NCK1: variants seen among roughly 807,000 people sequenced by gnomAD.
NCK1 encodes the protein NCK adaptor protein 1.
Under a neutral mutation model 36.6 loss-of-function variants are expected in NCK1, and 19 were observed. The observed-to-expected ratio is 0.52, with a 90% CI of 0.36 to 0.76. The LOEUF (loss-of-function observed/expected upper bound fraction) is 0.76, where lower values mean the gene tolerates loss of function less well. Ranked by LOEUF, NCK1 falls within the 30% of genes least tolerant of loss-of-function variation. The pLI is 0.00. For missense variants in NCK1, 358 were observed against 445.6 expected, an observed-to-expected ratio of 0.80 and a Z score of 1.77; for synonymous variants, 165 against 156.0, an observed-to-expected ratio of 1.06 and a Z score of -0.43.
At chr3:136,892,299 C>T (rs1449051095) in intron 1 of NCK1, among the ~76,000 whole-genome samples, 1 of 152,112 alleles carries the variant, frequency 6.6e-6, no homozygotes, top group Non-Finnish European at 1.5e-5. Flanking sequence ...CTGTGGGTTA[C>T]CTTTTCACTG....
In NCK1 at chr3:136,949,639, T is replaced by C. The variant is rs890835535; in HGVS notation, c.*1186T>C. ...ATTTGTCCCCCTATTATTCTGGAGATTTAAATTTAAGTAAAGTAGCCATCA... is the reference window on the plus strand; with the variant it reads ...ATTTGTCCCCCTATTATTCTGGAGACTTAAATTTAAGTAAAGTAGCCATCA... On this transcript the variant is annotated 3_prime_UTR_variant, in exon 4 of 4. Transcript: ENST00000481752. The C allele has an allele frequency of 1.3e-5, 2 of 151,980 alleles. No individual in the cohort carries two copies. Among genetic ancestry groups the C allele is most frequent in the Admixed American group, 1.3e-4 (2 of 15,240 alleles). 9.4% of individuals were successfully genotyped at this position (151,980 alleles called of 1,614,324 possible). A position where few individuals can be genotyped will look rare whatever the true frequency, so the allele number is the denominator to read the frequency against.
intron 1 of NCK1, among the ~76,000 whole-genome samples, chr3:136,896,657 G>A (rs140522151): frequency 1.0e-3 from 158 of 152,074 alleles, no homozygotes; most frequent in African/African-American, 3.3e-3. Context: ...ACCACACCTG[G>A]CTAATTAAAA....
intron 2 of NCK1, 59 bp downstream of exon 2, chr3:136,928,286 C>T: frequency 6.9e-7 from 1 of 1,446,096 alleles, no homozygotes; most frequent in Non-Finnish European, 9.4e-7. Flanking sequence ...CAACTTAGTT[C>T]TTTGTACATA....
At chr3:136,946,435 A>G in intron 3 of NCK1, 140 bp downstream of exon 3, 1 of 701,706 alleles carries the variant, frequency 1.4e-6, no homozygotes, top group South Asian at 1.9e-5. Flanking sequence ...TAAATGTTCC[A>G]AAGCTAAAGT....
intron 1 of NCK1, among the ~76,000 whole-genome samples, chr3:136,919,443 C>T (rs1478762533): frequency 6.6e-6 from 1 of 151,956 alleles, no homozygotes; most frequent in Non-Finnish European, 1.5e-5. Context: ...CTTACAAATA[C>T]TGACAATGTA....
At chr3:136,862,764 T>C (rs2108056016) in intron 1 of NCK1, among the ~76,000 whole-genome samples, 1 of 152,248 alleles carries the variant, frequency 6.6e-6, no homozygotes, top group East Asian at 1.9e-4. Flanking sequence ...AGGGACGTGG[T>C]AGGAGGAAGG....
chr3:136,898,623 T>G (rs944214428), intron 1 of NCK1, among the ~76,000 whole-genome samples: 1 of 152,182 alleles, frequency 6.6e-6, no homozygotes, highest in African/African-American at 2.4e-5. Context: ...CAAAACATCT[T>G]TGCAATAAAA....
intron 1 of NCK1, among the ~76,000 whole-genome samples, chr3:136,915,259 T>C (rs1331884333): frequency 6.6e-6 from 1 of 152,196 alleles, no homozygotes; most frequent in South Asian, 2.1e-4. Context: ...TTGAGTCCTA[T>C]TGAGAAGATA....
intron 2 of NCK1, chr3:136,930,333 A>G: frequency 3.5e-6 from 2 of 576,920 alleles, no homozygotes; most frequent in Non-Finnish European, 5.0e-6. Flanking sequence ...ATAAGGTCAT[A>G]TTTTTGGCCA....
chr3:136,887,997 T>C (rs1443922217), intron 1 of NCK1, among the ~76,000 whole-genome samples: 1 of 151,422 alleles, frequency 6.6e-6, no homozygotes, highest in Admixed American at 6.6e-5. Flanking sequence ...CAGGCTGGAG[T>C]GCAATGGCAT....
At position 136,951,556 on chromosome 3, in the gene NCK1, G is replaced by C. The variant is rs1315968029; in HGVS notation, c.*3103G>C. On this transcript the variant is annotated 3_prime_UTR_variant, in exon 4 of 4. Coordinates refer to ENST00000481752, the MANE Select transcript of NCK1 (RefSeq NM_001291999.2). ...TCCTCTTATCTTTACCAGTGCACATGGTGAAAAAATTCAAACAGTATAATA... is the reference window on the plus strand; with the variant it reads ...TCCTCTTATCTTTACCAGTGCACATCGTGAAAAAATTCAAACAGTATAATA... Among the ~76,000 whole-genome samples the C allele has an allele frequency of 6.6e-6, 1 of 152,078 alleles. No individual in the cohort carries two copies. The highest frequency in any genetic ancestry group is 1.9e-4 in the East Asian group (1 of 5,196).
chr3:136,929,821 G>T (rs1311311506), intron 2 of NCK1, among the ~76,000 whole-genome samples: 1 of 152,108 alleles, frequency 6.6e-6, no homozygotes, highest in Non-Finnish European at 1.5e-5. Context: ...GCAAAGGGGG[G>T]AAGTAGTCCA....
intron 1 of NCK1, among the ~76,000 whole-genome samples, chr3:136,871,494 A>G (rs1037884256): frequency 5.3e-5 from 8 of 152,238 alleles, no homozygotes; most frequent in South Asian, 2.1e-4. Flanking sequence ...ATATTTGTAG[A>G]TATCTGTGTA....
At chr3:136,924,708 T>C (rs1040457707) in intron 1 of NCK1, among the ~76,000 whole-genome samples, 1 of 152,256 alleles carries the variant, frequency 6.6e-6, no homozygotes, top group Non-Finnish European at 1.5e-5. Flanking sequence ...GTAGAGGTTC[T>C]ATGTTTCACC....
chr3:136,866,321 T>G (rs1385332900), intron 1 of NCK1, among the ~76,000 whole-genome samples: 1 of 151,934 alleles, frequency 6.6e-6, no homozygotes, highest in African/African-American at 2.4e-5. Flanking sequence ...TCTTTTTTTT[T>G]TTTTGAGACA....
chr3:136,931,817 G>A (rs1389895767), intron 2 of NCK1, among the ~76,000 whole-genome samples: 1 of 152,124 alleles, frequency 6.6e-6, no homozygotes, highest in Non-Finnish European at 1.5e-5. Flanking sequence ...AACCAGAAAT[G>A]ACATAAAAAG....
At chr3:136,908,236 T>TTAA (rs1405547570) in intron 1 of NCK1, among the ~76,000 whole-genome samples, 1 of 152,240 alleles carries the variant, frequency 6.6e-6, no homozygotes, top group Non-Finnish European at 1.5e-5. Context: ...CTTCGTCATA[T>TTAA]TAACATTCCT....
chr3:136,882,338 C>T (rs1285683656), intron 1 of NCK1, among the ~76,000 whole-genome samples: 5 of 151,944 alleles, frequency 3.3e-5, no homozygotes, highest in African/African-American at 9.7e-5. Context: ...CTATTTTGTT[C>T]GTTTGCCCAT....
chr3:136,913,394 G>A lies in NCK1; in HGVS notation c.-18-14590G>A, dbSNP rs1398985702. On this transcript the variant is annotated intron_variant, in intron 1 of 3. Coordinates refer to ENST00000481752, the MANE Select transcript of NCK1 (RefSeq NM_001291999.2). ...CTGGGCTCAAAGGATCCTCCTTCCT[G>A]AGGAGCTGGGACTGCAAGTGTGCAC... Among the ~76,000 whole-genome samples the A allele has an allele frequency of 2.6e-5, 4 of 151,792 alleles. No homozygotes were observed. The South Asian group carries it at 6.3e-4, about 24-fold the overall frequency.
Sources: allele counts gnomAD v4.1 joint callset (sites outside exome capture counted in the v4.1 genomes callset), GRCh38; gene constraint gnomAD v4.1.1; transcripts MANE v1.5; gene names NCBI Gene and HGNC (gene_info 2026-07-23, HGNC 2026-07-21).